Variants in CEP290 observed in about 807,000 individuals in gnomAD.
CEP290 encodes the protein centrosomal protein 290.
Under a neutral mutation model 344.9 loss-of-function variants are expected in CEP290, and 317 were observed. That is an observed-to-expected ratio of 0.92 (90% CI 0.84 to 1.01). CEP290 has a LOEUF of 1.01. Among genes scored for constraint, CEP290 ranks in the 50% least tolerant of loss-of-function variants. CEP290 has a pLI of 0.00. For synonymous variants in CEP290, 932 were observed against 895.8 expected (o/e 1.04, Z -0.72); for missense variants, 2,754 against 2,761.4 (o/e 1.00, Z 0.06).
At chr12:88,121,737 T>TCTC (rs2039417379) in intron 13 of CEP290, among the ~76,000 whole-genome samples, 1 of 152,098 alleles carries the variant, frequency 6.6e-6, no homozygotes, top group Non-Finnish European at 1.5e-5. Context: ...AAACCACATG[T>TCTC]TGAGATAGGC....
chr12:88,110,010 A>G (rs544888374), intron 22 of CEP290, among the ~76,000 whole-genome samples: 20 of 152,210 alleles, frequency 1.3e-4, no homozygotes, highest in African/African-American at 4.8e-4. Flanking sequence ...GGCTGTCCTT[A>G]GACAACATAA....
rs869058639 is a variant in CEP290 at position 88,099,982 on chromosome 12, T to TA, written c.2991+2855dup. On this transcript the variant is annotated intron_variant, in intron 26 of 53. Transcript: ENST00000552810. Reference sequence around the variant, plus strand: ...CTCCTGAAACTTCACTGGTCTCCTTTAAAAAAAAAAAAACAGGCTGGGCAC... The same window carrying TA: ...CTCCTGAAACTTCACTGGTCTCCTTTAAAAAAAAAAAAAACAGGCTGGGCAC... 3.5e-3 allele frequency among the ~76,000 whole-genome samples: 500 copies of TA among 142,568 alleles called. 2 individuals are homozygous for TA. Among genetic ancestry groups the TA allele is most frequent in the East Asian group, 4.6e-3 (23 of 4,970 alleles). The allele number at this position is 142,568 out of a possible 152,430, so 93.5% of individuals were successfully genotyped here. A position where few individuals can be genotyped will look rare whatever the true frequency, so the allele number is the denominator to read the frequency against.
intron 37 of CEP290, among the ~76,000 whole-genome samples, chr12:88,080,892 G>A (rs2468247): frequency 0.88 from 134,221 of 152,238 alleles, 60,041 homozygotes; most frequent in East Asian, 0.99. Context: ...ACTACTCTTA[G>A]ACTTAACAAC....
In CEP290 at chr12:88,120,083, C is replaced by T. The variant is rs760042810; in HGVS notation, c.1522+31G>A. ...AAAAAAAGACTTGTAAATCAGGTTGCGCAAACTATGTAACTTAAAACATGG... is the reference window on the plus strand; with the variant it reads ...AAAAAAAGACTTGTAAATCAGGTTGTGCAAACTATGTAACTTAAAACATGG... On this transcript the variant is annotated intron_variant, in intron 15 of 53. Coordinates refer to ENST00000552810, the MANE Select transcript of CEP290 (RefSeq NM_025114.4). 45 of 1,375,316 alleles carry T rather than the reference C, an allele frequency of 3.3e-5. 1 individual carries two copies. The South Asian group carries it at 6.1e-4, about 19-fold the overall frequency. The allele number at this position is 1,375,316 out of a possible 1,614,324, so 85.2% of individuals were successfully genotyped here.
intron 11 of CEP290, among the ~76,000 whole-genome samples, chr12:88,128,027 T>C (rs2039838223): frequency 1.3e-5 from 2 of 152,180 alleles, no homozygotes; most frequent in Non-Finnish European, 2.9e-5. Flanking sequence ...TGGTAGACTA[T>C]GGCCCAAAGG....
intron 45 of CEP290, among the ~76,000 whole-genome samples, chr12:88,063,712 T>C: frequency 6.6e-6 from 1 of 152,048 alleles, no homozygotes. Context: ...TTTAGTGACT[T>C]GTTTATTGTC....
chr12:88,124,670 A>T (rs1355869341), intron 13 of CEP290, among the ~76,000 whole-genome samples: 4 of 152,124 alleles, frequency 2.6e-5, no homozygotes, highest in Non-Finnish European at 4.4e-5. Flanking sequence ...ATAGTCACCA[A>T]TTATAATAAA....
At position 88,086,403 on chromosome 12, in the gene CEP290, A is replaced by G; in HGVS notation, c.4290T>C (p.Asn1430=). The change falls in exon 33 of 54, where the codon AAT becomes AAC. Residue 1430 remains asparagine (N), a synonymous_variant. Transcript: ENST00000552810. ...IFDRQQNEIL[N]AAQKFEEATG... is the part of the protein sequence containing the mutation. Reference sequence around the variant, plus strand: ...TAATCATTCATACCTTTTGTGCCGCATTTAGTATTTCATTTTGCTGACGGT... The same window carrying G: ...TAATCATTCATACCTTTTGTGCCGCGTTTAGTATTTCATTTTGCTGACGGT... 1 of 1,588,058 alleles carries G rather than the reference A, an allele frequency of 6.3e-7. No individual in the cohort carries two copies. The highest frequency in any genetic ancestry group is 8.6e-7 in the Non-Finnish European group (1 of 1,164,790).
At chr12:88,099,193 T>C (rs1014407645) in intron 26 of CEP290, among the ~76,000 whole-genome samples, 2 of 152,126 alleles carry the variant, frequency 1.3e-5, no homozygotes, top group Non-Finnish European at 2.9e-5. Flanking sequence ...ATAAATTACA[T>C]TTGGAAAACA....
At position 88,059,039 on chromosome 12, in the gene CEP290, T is replaced by C; in HGVS notation, c.6646-19A>G. 1 of 1,578,960 alleles carries C rather than the reference T, an allele frequency of 6.3e-7. No homozygotes were observed. Among genetic ancestry groups the C allele is most frequent in the African/African-American group, 1.4e-5 (1 of 73,696 alleles). ...CAGTTTCCTATCATTAAATGCTAAT[T>C]AGTATTTTATGAGAAAACATAATAC... is the stretch of plus-strand genomic sequence containing the variant. On this transcript the variant is annotated intron_variant, in intron 48 of 53. Coordinates refer to ENST00000552810, the MANE Select transcript of CEP290 (RefSeq NM_025114.4).
intron 41 of CEP290, among the ~76,000 whole-genome samples, chr12:88,074,963 A>G (rs1317154279): frequency 6.6e-6 from 1 of 152,174 alleles, no homozygotes; most frequent in Non-Finnish European, 1.5e-5. Flanking sequence ...ATGTAAGTAA[A>G]TGTTTCCCTG....
chr12:88,124,744 G>A (rs1182585388), intron 13 of CEP290, among the ~76,000 whole-genome samples: 1 of 152,040 alleles, frequency 6.6e-6, no homozygotes, highest in South Asian at 2.1e-4. Context: ...ATAGTATGTA[G>A]TGCTATGGAA....
At chr12:88,091,144 C>T (rs868355904) in intron 29 of CEP290, among the ~76,000 whole-genome samples, 1 of 152,258 alleles carries the variant, frequency 6.6e-6, no homozygotes, top group Admixed American at 6.5e-5. Context: ...ATCATACTTA[C>T]TATATAGTAT....
chr12:88,072,656 C>G (rs1287459247), intron 41 of CEP290, among the ~76,000 whole-genome samples: 1 of 152,136 alleles, frequency 6.6e-6, no homozygotes, highest in Non-Finnish European at 1.5e-5. Context: ...TGACAATTTC[C>G]TAGCATCAGA....
intron 12 of CEP290, 45 bp downstream of exon 12, chr12:88,126,271 C>T: frequency 7.2e-7 from 1 of 1,395,516 alleles, no homozygotes; most frequent in Non-Finnish European, 9.3e-7. Flanking sequence ...AGAGTTCCAA[C>T]TGTAATAAAA....
chr12:88,115,425 T>A, intron 18 of CEP290: 1 of 1,173,860 alleles, frequency 8.5e-7, no homozygotes, highest in Non-Finnish European at 1.1e-6. Flanking sequence ...GATATAACGG[T>A]TTTTGTCTTT....
intron 26 of CEP290, among the ~76,000 whole-genome samples, chr12:88,098,248 T>C (rs1400044879): frequency 6.7e-6 from 1 of 150,204 alleles, no homozygotes; most frequent in Non-Finnish European, 1.5e-5. Context: ...GAGGTTGCAG[T>C]GAGCTGAGAT....
At chr12:88,059,866 T>A (rs367577482) in intron 48 of CEP290, 32 bp downstream of exon 48, 1 of 1,530,760 alleles carries the variant, frequency 6.5e-7, no homozygotes. Context: ...AAAATAAAAA[T>A]CAAAAGTTAT....
rs762783922 is a variant in CEP290 at position 88,101,480 on chromosome 12, CAA to C, written c.2991+1356_2991+1357del. ...TGGGTGACAGAGCGAGACTCTGCCT[CAA>C]AAAAAAAAAAAAAAAAAAAAAAATT... On this transcript the variant is annotated intron_variant, in intron 26 of 53. Transcript: ENST00000552810. Among the ~76,000 whole-genome samples the C allele has an allele frequency of 0.012, 522 of 44,214 alleles. 3 individuals are homozygous for C. The highest frequency in any genetic ancestry group is 0.047 in the African/African-American group (500 of 10,636). 29.0% of individuals were successfully genotyped at this position (44,214 alleles called of 152,430 possible).
Sources: allele counts gnomAD v4.1 joint callset (sites outside exome capture counted in the v4.1 genomes callset), GRCh38; gene constraint gnomAD v4.1.1; transcripts MANE v1.5; gene names NCBI Gene and HGNC (gene_info 2026-07-23, HGNC 2026-07-21).